The following ELF1 variants were observed in gnomAD, a reference collection of about 807,000 sequenced individuals.
ELF1 encodes ETS-related transcription factor Elf-1.
In ELF1, 24 loss-of-function variants were observed where a neutral mutation model predicts 59.9. That is an observed-to-expected ratio of 0.40 (90% CI 0.29 to 0.56). The LOEUF (loss-of-function observed/expected upper bound fraction) is 0.56. ELF1 is among the 20% of genes least tolerant of loss of function. The pLI is 0.44. For missense variants in ELF1, 627 were observed against 742.2 expected (o/e 0.84, Z 1.80); for synonymous variants, 248 against 266.2 (o/e 0.93, Z 0.67).
chr13:40,987,922 G>A (rs189450473), intron 1 of ELF1, among the ~76,000 whole-genome samples: 26 of 152,102 alleles, frequency 1.7e-4, no homozygotes, highest in African/African-American at 5.1e-4. Context: ...TGCAATATTC[G>A]GAAAAACCAT....
intron 1 of ELF1, among the ~76,000 whole-genome samples, chr13:41,045,700 C>T (rs1876814121): frequency 6.6e-6 from 1 of 152,102 alleles, no homozygotes; most frequent in Admixed American, 6.6e-5. Flanking sequence ...TTACTTCCAA[C>T]TATGTGGTCA....
At chr13:40,992,743 C>A in intron 1 of ELF1, 1 of 256,794 alleles carries the variant, frequency 3.9e-6, no homozygotes, top group Non-Finnish European at 7.4e-6. Flanking sequence ...GAGTCAAAGT[C>A]TTGAACATCC....
intron 1 of ELF1, among the ~76,000 whole-genome samples, chr13:41,016,947 A>AAT (rs1276103107): frequency 0.086 from 2,128 of 24,646 alleles, 121 homozygotes; most frequent in Middle Eastern, 0.12. Context: ...AAAAAAAAAA[A>AAT]ATATATATAT....
chr13:41,041,927 G>GT (rs1876627218), intron 1 of ELF1, among the ~76,000 whole-genome samples: 1 of 152,226 alleles, frequency 6.6e-6, no homozygotes. Flanking sequence ...GACTAAGTCA[G>GT]TGGGAAGGTC....
intron 1 of ELF1, among the ~76,000 whole-genome samples, chr13:41,055,438 G>A (rs1877248664): frequency 6.6e-6 from 1 of 151,044 alleles, no homozygotes. Context: ...AGCTTATCTC[G>A]AATGCTGCCT....
chr13:40,996,441 C>G (rs993083788), intron 1 of ELF1, among the ~76,000 whole-genome samples: 1 of 152,308 alleles, frequency 6.6e-6, no homozygotes, highest in South Asian at 2.1e-4. Flanking sequence ...AACTGTAGTG[C>G]ATCCACATAA....
Position 40,941,033 on chromosome 13 carries a change from G to A in ELF1, c.1144C>T (p.Leu382Phe). 2 of 1,614,214 alleles carry A rather than the reference G, an allele frequency of 1.2e-6. No homozygotes were observed. Among genetic ancestry groups the A allele is most frequent in the Non-Finnish European group, 1.7e-6 (2 of 1,180,040 alleles). The change falls in exon 8 of 9, where the codon CTC becomes TTC. Residue 382 changes from leucine (L) to phenylalanine (F), a missense_variant. Leu to Phe is a conservative substitution (Grantham distance 22). Around this residue, in one of 3 missense-constraint regions of ELF1, gnomAD observed 361 missense variants for 396.1 expected, o/e 0.91. Transcript: ENST00000239882. ...QPTQSPYPTQLFRTVHVVQPV... is the reference protein window; with the variant it reads ...QPTQSPYPTQFFRTVHVVQPV... ...TGTACTACATGAACAGTCCGGAAGA[G>A]CTGGGTAGGATATGGAGACTGCGTG...
chr13:41,036,528 T>C (rs1430535333), intron 1 of ELF1, among the ~76,000 whole-genome samples: 2 of 152,196 alleles, frequency 1.3e-5, no homozygotes, highest in Non-Finnish European at 2.9e-5. Flanking sequence ...AGTTCAACCA[T>C]TGTGGAAGAC....
chr13:41,019,042 T>A (rs755582370), intron 1 of ELF1, among the ~76,000 whole-genome samples, 186 bp downstream of exon 1: 1 of 152,194 alleles, frequency 6.6e-6, no homozygotes, highest in African/African-American at 2.4e-5. Flanking sequence ...TCTAAAACTT[T>A]CCAGAATTTC....
At chr13:41,042,397 A>G (rs1225710041) in intron 1 of ELF1, among the ~76,000 whole-genome samples, 1 of 151,644 alleles carries the variant, frequency 6.6e-6, no homozygotes, top group African/African-American at 2.4e-5. Flanking sequence ...CCATGTTGGT[A>G]TGCTGCATCC....
chr13:40,985,872 C>T (rs1873523635), intron 1 of ELF1, among the ~76,000 whole-genome samples: 1 of 152,128 alleles, frequency 6.6e-6, no homozygotes, highest in South Asian at 2.1e-4. Context: ...ATTAATAGTT[C>T]TCAAACATGT....
In ELF1 at chr13:40,931,964, T is replaced by G. The variant is rs1057411909; in HGVS notation, c.*1461A>C. 4 of 152,242 alleles carry G rather than the reference T, an allele frequency of 2.6e-5. No homozygotes were observed. The highest frequency in any genetic ancestry group is 5.9e-5 in the Non-Finnish European group (4 of 68,034). 9.4% of individuals were successfully genotyped at this position (152,242 alleles called of 1,614,324 possible). On this transcript the variant is annotated 3_prime_UTR_variant, in exon 9 of 9. Coordinates refer to ENST00000239882, the MANE Select transcript of ELF1 (RefSeq NM_172373.4). The stretch of plus-strand genomic sequence containing the variant: ...TTTATTTATAAACATTAAGTAATGC[T>G]GATGTTCTAGTAATATTCTCTGCAC...
chr13:41,016,914 C>CAAAAAAAAAAA lies in ELF1; in HGVS notation c.-229+2303_-229+2313dup, dbSNP rs1164306892. Among the ~76,000 whole-genome samples the CAAAAAAAAAAA allele has an allele frequency of 1.5e-4, 2 of 12,908 alleles. 1 individual carries two copies. Among genetic ancestry groups the CAAAAAAAAAAA allele is most frequent in the Non-Finnish European group, 2.8e-4 (2 of 7,058 alleles). 8.5% of individuals were successfully genotyped at this position (12,908 alleles called of 152,430 possible). A position where few individuals can be genotyped will look rare whatever the true frequency, so the allele number is the denominator to read the frequency against. ...GGGCAACAAGAGTGAAACTCCGTCTCAAAAAAAAAAAAAAAAAAAAAAAAA... is the reference window on the plus strand; with the variant it reads ...GGGCAACAAGAGTGAAACTCCGTCTCAAAAAAAAAAAAAAAAAAAAAAAAAAAAAAAAAAAA... On this transcript the variant is annotated intron_variant, in intron 1 of 8. Coordinates refer to ENST00000239882, the MANE Select transcript of ELF1 (RefSeq NM_172373.4).
chr13:41,041,416 T>C (rs1454464132), intron 1 of ELF1, among the ~76,000 whole-genome samples: 1 of 152,094 alleles, frequency 6.6e-6, no homozygotes, highest in Non-Finnish European at 1.5e-5. Flanking sequence ...CAGTGGTTCA[T>C]GACTGTAACC....
intron 1 of ELF1, among the ~76,000 whole-genome samples, chr13:40,994,804 G>A (rs1410291632): frequency 6.6e-6 from 1 of 152,166 alleles, no homozygotes; most frequent in Non-Finnish European, 1.5e-5. Context: ...GATTTAACTT[G>A]CAAGTAAACT....
Position 40,933,739 on chromosome 13 carries a change from A to C in ELF1, c.1546T>G (p.Cys516Gly). 1 of 1,614,288 alleles carries C rather than the reference A, an allele frequency of 6.2e-7. No homozygotes were observed. The highest frequency in any genetic ancestry group is 1.3e-5 in the African/African-American group (1 of 75,080). The change falls in exon 9 of 9, where the codon TGC becomes GGC. Residue 516 changes from cysteine (C) to glycine (G), a missense_variant. Around this residue, in one of 3 missense-constraint regions of ELF1, gnomAD observed 361 missense variants for 396.1 expected, o/e 0.91. Coordinates refer to ENST00000239882, the MANE Select transcript of ELF1 (RefSeq NM_172373.4). ...GAAGCCACACTGACGGTTCCATTGCAAATGGTCTGAACATTGCTAGTAAGG... is the reference window on the plus strand; with the variant it reads ...GAAGCCACACTGACGGTTCCATTGCCAATGGTCTGAACATTGCTAGTAAGG... ...QVLTSNVQTI[C>G]NGTVSVASSP...
intron 6 of ELF1, 59 bp downstream of exon 6, chr13:40,943,783 G>C (rs1398056141): frequency 5.6e-6 from 8 of 1,418,622 alleles, no homozygotes; most frequent in Non-Finnish European, 7.7e-6. Flanking sequence ...AGTTATAATA[G>C]GTAGGCACTA....
rs201173037 is a variant in ELF1, at chr13:41,006,442, T to TG, written c.-229+12785dup. 2.7e-3 allele frequency among the ~76,000 whole-genome samples: 407 copies of TG among 152,110 alleles called. 6 individuals are homozygous for TG. The East Asian group carries it at 0.05, about 19-fold the overall frequency. On this transcript the variant is annotated intron_variant, in intron 1 of 8. Coordinates refer to ENST00000239882, the MANE Select transcript of ELF1 (RefSeq NM_172373.4). Reference sequence around the variant, plus strand: ...TGATGCTTAGTGAAATAACCCTAACTGGGGGGCAGGATGGGGAGTGAGTTG... The same window carrying TG: ...TGATGCTTAGTGAAATAACCCTAACTGGGGGGGCAGGATGGGGAGTGAGTTG...
intron 1 of ELF1, among the ~76,000 whole-genome samples, chr13:41,036,962 G>A (rs940370371): frequency 1.3e-5 from 2 of 151,938 alleles, no homozygotes. Flanking sequence ...TGTGGGGTGG[G>A]GGGAGTGGGG....
Sources: allele counts gnomAD v4.1 joint callset (sites outside exome capture counted in the v4.1 genomes callset), GRCh38; gene constraint gnomAD v4.1.1; regional missense constraint gnomAD v4.1.1; transcripts MANE v1.5; gene names NCBI Gene and HGNC (gene_info 2026-07-23, HGNC 2026-07-21).